ZNF592: variants seen among roughly 807,000 people sequenced by gnomAD.
ZNF592 encodes the protein zinc finger protein 592, also known as spinocerebellar ataxia, autosomal recessive 5.
A neutral mutation model predicts 80.3 loss-of-function variants in ZNF592; 11 were observed. That is an observed-to-expected ratio of 0.14 (90% CI 0.09 to 0.23). The LOEUF (loss-of-function observed/expected upper bound fraction) is 0.23. Ranked by LOEUF, ZNF592 falls within the 10% of genes least tolerant of loss-of-function variation. The pLI, the probability that ZNF592 is intolerant of heterozygous loss-of-function variation, is 1.00. For missense variants in ZNF592, 1,420 were observed against 1,633.9 expected, an observed-to-expected ratio of 0.87 and a Z score of 2.26; for synonymous variants, 646 against 640.3, an observed-to-expected ratio of 1.01 and a Z score of -0.13.
At chr15:84,765,155 G>A (rs1242427003) in intron 2 of ZNF592, among the ~76,000 whole-genome samples, 1 of 152,168 alleles carries the variant, frequency 6.6e-6, no homozygotes, top group Non-Finnish European at 1.5e-5. Flanking sequence ...CCTCATGTAA[G>A]TGGAATCATT....
chr15:84,755,361 G>T (rs942987521), intron 1 of ZNF592, among the ~76,000 whole-genome samples: 4 of 151,736 alleles, frequency 2.6e-5, no homozygotes, highest in African/African-American at 9.7e-5. Context: ...CAAACTCCTG[G>T]GCTCAAGCAA....
intron 1 of ZNF592, among the ~76,000 whole-genome samples, chr15:84,759,953 T>TC (rs1899293696): frequency 2.1e-5 from 1 of 47,490 alleles, no homozygotes; most frequent in South Asian, 7.2e-4. Context: ...ATTGGGGAGA[T>TC]TCCCCCCCCC....
chr15:84,792,057 C>T (rs28547197), intron 5 of ZNF592, among the ~76,000 whole-genome samples: 99 of 151,838 alleles, frequency 6.5e-4, no homozygotes, highest in African/African-American at 2.3e-3. Flanking sequence ...TTCTGGGAAG[C>T]GAACACATAT....
intron 2 of ZNF592, among the ~76,000 whole-genome samples, chr15:84,772,075 A>G (rs1962097610): frequency 6.6e-6 from 1 of 152,210 alleles, no homozygotes. Flanking sequence ...CATAGGAGTG[A>G]AAGCCAATTC....
chr15:84,802,320 G>A lies in ZNF592; in HGVS notation c.3731G>A (p.Gly1244Asp). 3 of 1,613,982 alleles carry A rather than the reference G, an allele frequency of 1.9e-6. No individual in the cohort carries two copies. The highest frequency in any genetic ancestry group is 2.5e-6 in the Non-Finnish European group (3 of 1,179,990). ...RLLGPAPEDDGGHNDHSQPQA... is the reference protein window; with the variant it reads ...RLLGPAPEDDDGHNDHSQPQA... Reference sequence around the variant, plus strand: ...CTGGGCCCGGCCCCTGAGGACGATGGTGGCCACAATGATCACAGTCAACCA... The same window carrying A: ...CTGGGCCCGGCCCCTGAGGACGATGATGGCCACAATGATCACAGTCAACCA... Residue 1244 changes from glycine to aspartate, a missense_variant, in exon 11 of 11, where the codon GGT (glycine) becomes GAT (aspartate). Around this residue, in one of 7 missense-constraint regions of ZNF592, gnomAD observed 145 missense variants for 211.9 expected, o/e 0.68. Coordinates refer to ENST00000560079, the MANE Select transcript of ZNF592 (RefSeq NM_014630.3).
At chr15:84,785,772 C>A (rs1418866524) in intron 4 of ZNF592, among the ~76,000 whole-genome samples, 2 of 151,938 alleles carry the variant, frequency 1.3e-5, no homozygotes, top group African/African-American at 2.4e-5. Flanking sequence ...GTTTATGGAG[C>A]CTCCTTCTTT....
At chr15:84,775,149 A>C (rs184933841) in intron 2 of ZNF592, among the ~76,000 whole-genome samples, 1 of 151,130 alleles carries the variant, frequency 6.6e-6, no homozygotes, top group Non-Finnish European at 1.5e-5. Flanking sequence ...GGGCTGGAGT[A>C]CAGTGGTGCA....
At position 84,784,334 on chromosome 15, in the gene ZNF592, G is replaced by A. The variant is rs976087269; in HGVS notation, c.1659G>A (p.Glu553=). The change falls in exon 4 of 11, where the codon GAG becomes GAA. Residue 553 remains glutamate, a synonymous_variant. Coordinates refer to ENST00000560079, the MANE Select transcript of ZNF592 (RefSeq NM_014630.3). The surrounding 1 kb of genome is among the most constrained non-coding windows in gnomAD (Gnocchi z 5.8). ...QVKKAAPLIV[E]VFNKVLHSSN... ...AAAAGGCTGCCCCACTGATTGTAGAGGTCTTCAACAAGGTCCTTCACAGCT... is the reference window on the plus strand; with the variant it reads ...AAAAGGCTGCCCCACTGATTGTAGAAGTCTTCAACAAGGTCCTTCACAGCT... 2 of 1,614,242 alleles carry A rather than the reference G, an allele frequency of 1.2e-6. No individual in the cohort carries two copies. The highest frequency in any genetic ancestry group is 1.7e-6 in the Non-Finnish European group (2 of 1,180,048).
chr15:84,796,646 C>T (rs1176407101), intron 5 of ZNF592, among the ~76,000 whole-genome samples: 2 of 151,880 alleles, frequency 1.3e-5, no homozygotes, highest in Non-Finnish European at 2.9e-5. Context: ...GAAACAAGTT[C>T]CATACGGCCT....
chr15:84,778,650 G>C (rs1962332298), intron 3 of ZNF592, among the ~76,000 whole-genome samples: 1 of 152,168 alleles, frequency 6.6e-6, no homozygotes, highest in South Asian at 2.1e-4. Context: ...ATGCTTTAAG[G>C]CTTCCCAATG....
At chr15:84,759,887 C>T (rs1899290819) in intron 1 of ZNF592, among the ~76,000 whole-genome samples, 1 of 151,744 alleles carries the variant, frequency 6.6e-6, no homozygotes, top group African/African-American at 2.4e-5. Context: ...GTGGGCTAGC[C>T]CTGCCTTGTA....
At chr15:84,791,171 T>A (rs1160871225) in intron 5 of ZNF592, among the ~76,000 whole-genome samples, 1 of 152,262 alleles carries the variant, frequency 6.6e-6, no homozygotes, top group Non-Finnish European at 1.5e-5. Context: ...AAAACGTATG[T>A]AAGTTTAATT....
chr15:84,798,123 A>T lies in ZNF592; in HGVS notation c.2576+78A>T, dbSNP rs934828006. 94 of 1,587,330 alleles carry T rather than the reference A, an allele frequency of 5.9e-5. 1 individual carries two copies. Among genetic ancestry groups the T allele is most frequent in the Middle Eastern group, 5.7e-4 (3 of 5,224 alleles). Reference sequence around the variant, plus strand: ...GGGTGCTGTAGGGGGTGGCATAGGGATGGGTGAGGGAGCTGGGGTTAGTGG... The same window carrying T: ...GGGTGCTGTAGGGGGTGGCATAGGGTTGGGTGAGGGAGCTGGGGTTAGTGG... On this transcript the variant is annotated intron_variant, in intron 6 of 10. Coordinates refer to ENST00000560079, the MANE Select transcript of ZNF592 (RefSeq NM_014630.3). The surrounding 1 kb of genome is among the most constrained non-coding windows in gnomAD (Gnocchi z 4.5).
At chr15:84,750,185 C>G (rs1199874530) in intron 1 of ZNF592, among the ~76,000 whole-genome samples, 4 of 152,206 alleles carry the variant, frequency 2.6e-5, no homozygotes, top group Non-Finnish European at 5.9e-5. Flanking sequence ...TGCCTGTAAT[C>G]CCAGCTACTT....
chr15:84,795,887 C>T (rs1962880298), intron 5 of ZNF592, among the ~76,000 whole-genome samples: 1 of 151,940 alleles, frequency 6.6e-6, no homozygotes, highest in African/African-American at 2.4e-5. Flanking sequence ...CCCTCCCTTC[C>T]AATACACACA....
At chr15:84,790,931 CT>C in intron 5 of ZNF592, 48 bp downstream of exon 5, 1 of 1,611,522 alleles carries the variant, frequency 6.2e-7, no homozygotes, top group Non-Finnish European at 8.5e-7. Flanking sequence ...ATGGCTGGTC[CT>C]TTTCCTAAGC....
intron 4 of ZNF592, among the ~76,000 whole-genome samples, chr15:84,787,165 C>T (rs1419721406): frequency 4.6e-5 from 7 of 152,096 alleles, no homozygotes; most frequent in East Asian, 3.9e-4. Flanking sequence ...TGTGCATCTT[C>T]TAAAATTTGA....
At chr15:84,767,909 C>T (rs932991461) in intron 2 of ZNF592, among the ~76,000 whole-genome samples, 3 of 150,756 alleles carry the variant, frequency 2.0e-5, no homozygotes, top group Non-Finnish European at 2.9e-5. Context: ...CAGGGTTTTG[C>T]TGTGTCACCT....
rs747661491 is a variant in ZNF592, at chr15:84,784,670, C to A, written c.1995C>A (p.Ala665=). The change falls in exon 4 of 11, where the codon GCC becomes GCA. Residue 665 remains alanine (A), a synonymous_variant. Coordinates refer to ENST00000560079, the MANE Select transcript of ZNF592 (RefSeq NM_014630.3). The surrounding 1 kb of genome is among the most constrained non-coding windows in gnomAD (Gnocchi z 5.8). ...CTGCGGACCAAATGTTCGTGTCGGC[C>A]CCTGTGAACTCCACGGCACCAGCAG... The part of the protein sequence containing the change: ...PISADQMFVS[A]PVNSTAPAAP... 17 of 1,613,998 alleles carry A rather than the reference C, an allele frequency of 1.1e-5. No individual in the cohort carries two copies. In the East Asian group the frequency reaches 3.8e-4, roughly 36 times the overall value.
Sources: gnomAD v4.1 joint callset for allele counts (sites outside exome capture counted in the v4.1 genomes callset) on GRCh38, gnomAD v4.1.1 for gene constraint, gnomAD v4.1.1 regional missense constraint, Gnocchi (gnomAD v3.1) non-coding constraint, MANE v1.5 for transcripts, NCBI Gene and HGNC (gene_info 2026-07-23, HGNC 2026-07-21) for gene names.